SLC26A5: variants seen among roughly 807,000 people sequenced by gnomAD.
SLC26A5 encodes solute carrier family 26 member 5.
A neutral mutation model predicts 81.0 loss-of-function variants in SLC26A5; 51 were observed. The observed-to-expected ratio is 0.63, with a 90% CI of 0.50 to 0.80. The LOEUF is 0.80. Ranked by LOEUF, SLC26A5 falls within the 30% of genes least tolerant of loss-of-function variation. The pLI is 0.00. For synonymous variants in SLC26A5, 325 were observed against 332.8 expected (o/e 0.98, Z 0.25); for missense variants, 771 against 905.8 (o/e 0.85, Z 1.91).
chr7:103,373,721 G>A (rs1440227101), downstream of SLC26A5, among the ~76,000 whole-genome samples: 1 of 152,188 alleles, frequency 6.6e-6, no homozygotes, highest in Non-Finnish European at 1.5e-5. Flanking sequence ...AGAAAGTGGA[G>A]ATTGTTGATT....
chr7:103,403,631 T>C (rs1823782336), intron 8 of SLC26A5, among the ~76,000 whole-genome samples: 1 of 152,122 alleles, frequency 6.6e-6, no homozygotes, highest in Non-Finnish European at 1.5e-5. Flanking sequence ...GTAATGCCCT[T>C]GTCTTTTTTG....
At chr7:103,381,933 TCACA>T (rs59960919) in intron 14 of SLC26A5, among the ~76,000 whole-genome samples, 11 of 149,282 alleles carry the variant, frequency 7.4e-5, no homozygotes, top group South Asian at 4.2e-4. Flanking sequence ...ACACTTCACA[TCACA>T]CACACACACA....
At chr7:103,430,067 G>C (rs1320536028) in intron 2 of SLC26A5, among the ~76,000 whole-genome samples, 1 of 145,454 alleles carries the variant, frequency 6.9e-6, no homozygotes, top group African/African-American at 2.7e-5. Context: ...TTGAAGGCTG[G>C]AAATGGCACT....
At chr7:103,365,406 C>T (rs1422568608) in intron 19 of SLC26A5, among the ~76,000 whole-genome samples, 2 of 151,648 alleles carry the variant, frequency 1.3e-5, no homozygotes, top group East Asian at 1.9e-4. Context: ...CAGAGGCAGG[C>T]GGATCACCTA....
At chr7:103,417,790 C>T (rs1825039585) in intron 4 of SLC26A5, among the ~76,000 whole-genome samples, 1 of 152,020 alleles carries the variant, frequency 6.6e-6, no homozygotes, top group Admixed American at 6.6e-5. Flanking sequence ...CTCTTGTCAC[C>T]CAGGCTGGAG....
At position 103,408,016 on chromosome 7, in the gene SLC26A5, G is replaced by T. The variant is rs781090857; in HGVS notation, c.736-13C>A. On this transcript the variant is annotated splice_polypyrimidine_tract_variant and intron_variant, in intron 7 of 19. Transcript: ENST00000306312. ...CAGCAACTGTACTCTGTAACACAGT[G>T]AATGCTGGATGTTTACATCAAGAAA... 4 of 1,613,982 alleles carry T rather than the reference G, an allele frequency of 2.5e-6. No homozygotes were observed. In the South Asian group the frequency reaches 4.4e-5, roughly 18 times the overall value.
chr7:103,418,464 C>A (rs966094818), intron 4 of SLC26A5, among the ~76,000 whole-genome samples: 1 of 152,144 alleles, frequency 6.6e-6, no homozygotes, highest in Non-Finnish European at 1.5e-5. Context: ...ACTTCTGCTT[C>A]CTGTTTCAGA....
At chr7:103,442,754 T>C (rs2382690) in intron 2 of SLC26A5, among the ~76,000 whole-genome samples, 46,845 of 152,066 alleles carry the variant, frequency 0.31, 8,361 homozygotes, top group East Asian at 0.62. Context: ...GAGCTTGGCT[T>C]AAAACCATGA....
intron 2 of SLC26A5, among the ~76,000 whole-genome samples, chr7:103,427,275 C>G (rs115932295): frequency 0.024 from 3,609 of 152,018 alleles, 142 homozygotes; most frequent in African/African-American, 0.082. Context: ...TGAGGTTTCC[C>G]CTTGTTGGCC....
At chr7:103,384,724 G>C (rs1216638977) in intron 14 of SLC26A5, among the ~76,000 whole-genome samples, 1 of 152,128 alleles carries the variant, frequency 6.6e-6, no homozygotes, top group African/African-American at 2.4e-5. Flanking sequence ...ATCATTCTAG[G>C]CTTCAGCTTC....
chr7:103,414,901 G>A (rs777673480), intron 4 of SLC26A5, among the ~76,000 whole-genome samples: 2 of 152,148 alleles, frequency 1.3e-5, no homozygotes, highest in African/African-American at 2.4e-5. Context: ...AATGGATAGG[G>A]TTTTAACCTC....
intron 10 of SLC26A5, among the ~76,000 whole-genome samples, chr7:103,392,142 T>C (rs1822712423): frequency 6.6e-6 from 1 of 152,250 alleles, no homozygotes; most frequent in African/African-American, 2.4e-5. Flanking sequence ...AGTGTCTTCC[T>C]GGGGCAAGTG....
chr7:103,402,324 C>T (rs370612597), intron 8 of SLC26A5, among the ~76,000 whole-genome samples: 4 of 150,860 alleles, frequency 2.7e-5, no homozygotes, highest in Non-Finnish European at 4.4e-5. Flanking sequence ...TCCATTTCTT[C>T]TAGATTTTCT....
In SLC26A5 at chr7:103,420,748, C is replaced by A; in HGVS notation, c.282G>T (p.Gln94His). The change falls in exon 4 of 20, where the codon CAG becomes CAT. Residue 94 changes from glutamine to histidine, a missense_variant. Coordinates refer to ENST00000306312, the MANE Select transcript of SLC26A5 (RefSeq NM_198999.3). ...GAAAGATCTACTGACCTTGAGGAAG[C>A]TGAAGCACCCCTGTGCTTATGCCTG... ...LVSGISTGVL[Q>H]LPQGLAFAML... The A allele has an allele frequency of 3.7e-6, 6 of 1,614,086 alleles. No homozygotes were observed. The highest frequency in any genetic ancestry group is 5.1e-6 in the Non-Finnish European group (6 of 1,180,004).
At chr7:103,425,818 G>A (rs1207670328) in intron 2 of SLC26A5, among the ~76,000 whole-genome samples, 1 of 152,134 alleles carries the variant, frequency 6.6e-6, no homozygotes, top group Non-Finnish European at 1.5e-5. Flanking sequence ...GGAGTCACCT[G>A]GGCAGCTTTA....
intron 14 of SLC26A5, among the ~76,000 whole-genome samples, chr7:103,387,123 A>G (rs756564081): frequency 4.6e-5 from 7 of 152,248 alleles, no homozygotes; most frequent in Non-Finnish European, 7.3e-5. Context: ...GAACTCTTAC[A>G]TATGCTAATA....
chr7:103,369,114 A>C (rs1376626291), intron 19 of SLC26A5: 1 of 152,248 alleles, frequency 6.6e-6, no homozygotes, highest in Admixed American at 6.5e-5. Flanking sequence ...AGTTGACAAC[A>C]TAGAAAATGC....
At chr7:103,358,119 A>G (rs985559164) in intron 19 of SLC26A5, among the ~76,000 whole-genome samples, 1 of 152,140 alleles carries the variant, frequency 6.6e-6, no homozygotes, top group Non-Finnish European at 1.5e-5. Flanking sequence ...GAGACTGCAT[A>G]TGTCTGAAAG....
intron 2 of SLC26A5, among the ~76,000 whole-genome samples, chr7:103,440,802 G>A (rs112026727): frequency 2.0e-5 from 3 of 152,172 alleles, no homozygotes; most frequent in African/African-American, 7.2e-5. Flanking sequence ...CTACTCCTCT[G>A]AGATACAGAG....
Sources: allele counts gnomAD v4.1 joint callset (sites outside exome capture counted in the v4.1 genomes callset), GRCh38; gene constraint gnomAD v4.1.1; transcripts MANE v1.5; gene names NCBI Gene and HGNC (gene_info 2026-07-23, HGNC 2026-07-21).